DCLK1: variants seen among roughly 807,000 people sequenced by gnomAD.
DCLK1 encodes doublecortin like kinase 1, also known as serine/threonine-protein kinase DCLK1.
Under a neutral mutation model 86.2 loss-of-function variants are expected in DCLK1, and 16 were observed. That is an observed-to-expected ratio of 0.19 (90% CI 0.13 to 0.28). The LOEUF (loss-of-function observed/expected upper bound fraction) is 0.28, where lower values mean the gene tolerates loss of function less well. DCLK1 is among the 10% of genes least tolerant of loss of function. The probability of loss-of-function intolerance (pLI) is 1.00; values close to 1 mark genes in which losing one functional copy is unlikely to be tolerated. For missense variants in DCLK1, 590 were observed against 940.2 expected (o/e 0.63, Z 4.87); for synonymous variants, 369 against 370.5 (o/e 1.00, Z 0.05).
intron 3 of DCLK1, among the ~76,000 whole-genome samples, chr13:35,949,653 C>T (rs1212174285): frequency 6.6e-6 from 1 of 152,192 alleles, no homozygotes; most frequent in Non-Finnish European, 1.5e-5. Flanking sequence ...CCACATCCTA[C>T]TCATCGGTGT....
At chr13:36,105,454 A>G (rs954614750) in intron 3 of DCLK1, among the ~76,000 whole-genome samples, 3 of 152,162 alleles carry the variant, frequency 2.0e-5, no homozygotes, top group Non-Finnish European at 4.4e-5. Flanking sequence ...AGGCATTATT[A>G]TCATTATTAT....
chr13:36,126,194 A>C (rs1886178327), intron 1 of DCLK1, 38 bp from the exon 2 acceptor site: 1 of 1,486,964 alleles, frequency 6.7e-7, no homozygotes, highest in Non-Finnish European at 8.9e-7. Context: ...ACACATATTG[A>C]TGTAGGTTAT....
At chr13:35,790,575 T>A (rs1329320805) in intron 16 of DCLK1, among the ~76,000 whole-genome samples, 2 of 152,178 alleles carry the variant, frequency 1.3e-5, no homozygotes, top group Non-Finnish European at 2.9e-5. Flanking sequence ...GGGGAGAGCG[T>A]ATATACCTAG....
chr13:36,013,902 C>T (rs1378039643), intron 3 of DCLK1, among the ~76,000 whole-genome samples: 5 of 152,312 alleles, frequency 3.3e-5, no homozygotes, highest in South Asian at 2.1e-4. Context: ...TAGGACCCTC[C>T]GAGCCAGGTG....
At chr13:35,932,056 G>T (rs1171074) in intron 4 of DCLK1, among the ~76,000 whole-genome samples, 11 of 152,038 alleles carry the variant, frequency 7.2e-5, no homozygotes, top group African/African-American at 1.5e-4. Flanking sequence ...GTGTCTGTGA[G>T]GATGCTTCTG....
intron 11 of DCLK1, among the ~76,000 whole-genome samples, chr13:35,819,035 T>C (rs1036180367): frequency 6.6e-6 from 1 of 152,098 alleles, no homozygotes; most frequent in Non-Finnish European, 1.5e-5. Flanking sequence ...CTCTGTCCTC[T>C]GTTCATAGAA....
Position 35,899,411 on chromosome 13 carries a change from A to G in DCLK1, c.824-28071T>C, listed in dbSNP as rs554207730. On this transcript the variant is annotated intron_variant, in intron 4 of 16. Coordinates refer to ENST00000360631, the MANE Select transcript of DCLK1 (RefSeq NM_001330071.2). ...AGAGAAAGAAGACAATTAAGTGTAC[A>G]TAAAGTGTACATTGTACTATACAAG... is the stretch of plus-strand genomic sequence containing the variant. Among the ~76,000 whole-genome samples, 413 of 152,038 alleles carry G rather than the reference A, an allele frequency of 2.7e-3. 1 individual carries two copies. The highest frequency in any genetic ancestry group is 9.5e-3 in the African/African-American group (393 of 41,496).
At chr13:36,048,145 T>G (rs1882990902) in intron 3 of DCLK1, among the ~76,000 whole-genome samples, 1 of 152,140 alleles carries the variant, frequency 6.6e-6, no homozygotes, top group African/African-American at 2.4e-5. Flanking sequence ...AATTTCTGAT[T>G]TGTCAATTAA....
At chr13:35,996,117 C>T (rs1016352665) in intron 3 of DCLK1, among the ~76,000 whole-genome samples, 2 of 152,000 alleles carry the variant, frequency 1.3e-5, no homozygotes, top group Admixed American at 6.6e-5. Context: ...TTAGTAGAGA[C>T]GGGGCTTCAC....
At chr13:36,011,262 C>T (rs1336618419) in intron 3 of DCLK1, among the ~76,000 whole-genome samples, 1 of 66,320 alleles carries the variant, frequency 1.5e-5, no homozygotes, top group Non-Finnish European at 3.3e-5. Flanking sequence ...TTCTTGCCTT[C>T]TGCTAGCTTT....
chr13:36,058,252 T>C (rs1487086382), intron 3 of DCLK1, among the ~76,000 whole-genome samples: 1 of 152,162 alleles, frequency 6.6e-6, no homozygotes, highest in Non-Finnish European at 1.5e-5. Flanking sequence ...TTGTCCTCCC[T>C]GTAACACTGG....
At chr13:35,781,326 C>T (rs369492340) in intron 16 of DCLK1, among the ~76,000 whole-genome samples, 5 of 152,192 alleles carry the variant, frequency 3.3e-5, no homozygotes, top group South Asian at 2.1e-4. Context: ...CTAACCACAT[C>T]GAGCCCCAAT....
intron 3 of DCLK1, among the ~76,000 whole-genome samples, chr13:36,045,318 A>G (rs1177069474): frequency 8.7e-5 from 7 of 80,078 alleles, no homozygotes; most frequent in Non-Finnish European, 1.1e-4. Flanking sequence ...ATGTCTATAT[A>G]TGTGTGTGTG....
chr13:35,804,337 T>A (rs2086984016), intron 15 of DCLK1, among the ~76,000 whole-genome samples: 2 of 149,446 alleles, frequency 1.3e-5, no homozygotes, highest in Non-Finnish European at 3.0e-5. Flanking sequence ...TTTAGCCATG[T>A]TGGCCAGGCT....
At chr13:36,126,196 G>T in intron 1 of DCLK1, 40 bp from the exon 2 acceptor site, 1 of 1,481,948 alleles carries the variant, frequency 6.7e-7, no homozygotes, top group South Asian at 1.3e-5. Context: ...ACATATTGAT[G>T]TAGGTTATAT....
intron 3 of DCLK1, among the ~76,000 whole-genome samples, chr13:36,092,984 G>A (rs1273050802): frequency 6.6e-6 from 1 of 152,080 alleles, no homozygotes; most frequent in East Asian, 1.9e-4. Context: ...AGAAAAAAAT[G>A]GCTTTGGAGA....
intron 5 of DCLK1, among the ~76,000 whole-genome samples, chr13:35,870,209 AGGTT>A (rs1358664074): frequency 6.6e-6 from 1 of 152,138 alleles, no homozygotes; most frequent in Non-Finnish European, 1.5e-5. Context: ...ATGCCACCCT[AGGTT>A]GAGAGTCAGA....
chr13:35,845,622 G>C (rs1186785149), intron 6 of DCLK1, among the ~76,000 whole-genome samples: 2 of 152,074 alleles, frequency 1.3e-5, no homozygotes, highest in African/African-American at 4.8e-5. Context: ...CTCCTTTAAG[G>C]CAACCCTGAA....
At chr13:35,985,905 C>T (rs1381650814) in intron 3 of DCLK1, among the ~76,000 whole-genome samples, 1 of 152,144 alleles carries the variant, frequency 6.6e-6, no homozygotes, top group Non-Finnish European at 1.5e-5. Context: ...ATCCTCAGCA[C>T]AGCAGTATTG....
Sources: gnomAD v4.1 joint callset for allele counts (sites outside exome capture counted in the v4.1 genomes callset) on GRCh38, gnomAD v4.1.1 for gene constraint, MANE v1.5 for transcripts, NCBI Gene and HGNC (gene_info 2026-07-23, HGNC 2026-07-21) for gene names.